The following FAM3B variants were observed in gnomAD, a reference collection of about 807,000 sequenced individuals.
FAM3B encodes the protein FAM3 metabolism regulating signaling molecule B.
A neutral mutation model predicts 28.4 loss-of-function variants in FAM3B; 29 were observed. That is an observed-to-expected ratio of 1.02 (90% CI 0.76 to 1.39). The LOEUF (loss-of-function observed/expected upper bound fraction) is 1.39, where lower values mean the gene tolerates loss of function less well. Ranked by LOEUF, FAM3B falls within the 40% of genes most tolerant of loss-of-function variation. The pLI is 0.00. For missense variants in FAM3B, 266 were observed against 293.9 expected, an observed-to-expected ratio of 0.91 and a Z score of 0.69; for synonymous variants, 91 against 103.0, an observed-to-expected ratio of 0.88 and a Z score of 0.71.
chr21:41,331,431 T>C (rs1489136763), intron 2 of FAM3B, among the ~76,000 whole-genome samples: 1 of 152,206 alleles, frequency 6.6e-6, no homozygotes, highest in Non-Finnish European at 1.5e-5. Flanking sequence ...TGCAGAAGCT[T>C]TTTGGCTTGA....
intron 2 of FAM3B, among the ~76,000 whole-genome samples, chr21:41,331,068 GT>G (rs2088902364): frequency 6.6e-6 from 1 of 152,098 alleles, no homozygotes; most frequent in Non-Finnish European, 1.5e-5. Context: ...AGCATATAGG[GT>G]TTTCTTTGCT....
At chr21:41,316,618 A>C, upstream of FAM3B, 1 of 361,388 alleles carries the variant, frequency 2.8e-6, no homozygotes. Context: ...CCCGGCGGGG[A>C]ACGGGTCCAC....
Position 41,357,487 on chromosome 21 carries a change from G to A in FAM3B, c.*290G>A. The A allele has an allele frequency of 3.7e-6, 1 of 270,484 alleles. No homozygotes were observed. Among genetic ancestry groups the A allele is most frequent in the South Asian group, 4.1e-5 (1 of 24,390 alleles). 16.8% of individuals were successfully genotyped at this position (270,484 alleles called of 1,614,324 possible). On this transcript the variant is annotated 3_prime_UTR_variant, in exon 8 of 8. Coordinates refer to ENST00000357985, the MANE Select transcript of FAM3B (RefSeq NM_058186.4). Reference sequence around the variant, plus strand: ...GTTGGGAGAAACAGCTTGTCCAGGTGGAGCTATGTTATGATCAGATCGAAG... The same window carrying A: ...GTTGGGAGAAACAGCTTGTCCAGGTAGAGCTATGTTATGATCAGATCGAAG...
At chr21:41,339,257 T>C (rs1411980948) in intron 3 of FAM3B, among the ~76,000 whole-genome samples, 1 of 152,202 alleles carries the variant, frequency 6.6e-6, no homozygotes, top group East Asian at 1.9e-4. Flanking sequence ...ACTTAAGTTA[T>C]CTGTTTCTTC....
intron 1 of FAM3B, among the ~76,000 whole-genome samples, chr21:41,311,250 AAATATATAT>A (rs1213909982): frequency 1.3e-3 from 73 of 55,958 alleles, no homozygotes; most frequent in Non-Finnish European, 1.8e-3. Context: ...AAAAAAAAAA[AAATATATAT>A]ATATATATAT....
intron 3 of FAM3B, among the ~76,000 whole-genome samples, chr21:41,343,238 C>A (rs532347378): frequency 6.6e-6 from 1 of 152,338 alleles, no homozygotes; most frequent in African/African-American, 2.4e-5. Context: ...TTTCTGGAAT[C>A]AGCAAATTCT....
At chr21:41,307,580 T>G (rs2088688968) in intron 1 of FAM3B, among the ~76,000 whole-genome samples, 2 of 152,238 alleles carry the variant, frequency 1.3e-5, no homozygotes, top group African/African-American at 4.8e-5. Flanking sequence ...AGCTTTTGAT[T>G]TAAAGAGAAA....
Position 41,357,112 on chromosome 21 carries a change from A to C in FAM3B, c.623A>C (p.Asn208Thr). 1 of 1,611,240 alleles carries C rather than the reference A, an allele frequency of 6.2e-7. No individual in the cohort carries two copies. Among genetic ancestry groups the C allele is most frequent in the Non-Finnish European group, 8.5e-7 (1 of 1,178,338 alleles). Residue 208 changes from asparagine to threonine, a missense_variant, in exon 8 of 8, where the codon AAC (asparagine) becomes ACC (threonine). Transcript: ENST00000357985. Reference protein sequence around the residue: ...LPSEIQREKINHSDAKNNRYS... With the variant: ...LPSEIQREKITHSDAKNNRYS... The stretch of plus-strand genomic sequence containing the variant: ...ACTCTTCTTTTCTCTACACAGATCA[A>C]CCACTCTGATGCTAAGAACAACAGA...
At position 41,357,434 on chromosome 21, in the gene FAM3B, G is replaced by A; in HGVS notation, c.*237G>A. 2.9e-6 allele frequency: 1 copy of A among 347,084 alleles called. No individual in the cohort carries two copies. The highest frequency in any genetic ancestry group is 3.3e-5 in the South Asian group (1 of 29,988). 21.5% of individuals were successfully genotyped at this position (347,084 alleles called of 1,614,324 possible). A position where few individuals can be genotyped will look rare whatever the true frequency, so the allele number is the denominator to read the frequency against. On this transcript the variant is annotated 3_prime_UTR_variant, in exon 8 of 8. Transcript: ENST00000357985. ...TAAAATGAATGGAAATTCTTAAAGGGAATGATGTGATTCAAGCTGGAAAGA... is the reference window on the plus strand; with the variant it reads ...TAAAATGAATGGAAATTCTTAAAGGAAATGATGTGATTCAAGCTGGAAAGA...
chr21:41,350,530 G>A (rs766555653), intron 7 of FAM3B, among the ~76,000 whole-genome samples: 12 of 152,236 alleles, frequency 7.9e-5, no homozygotes, highest in Admixed American at 2.6e-4. Flanking sequence ...GGAGCTCCCC[G>A]GGTCCTGCCC....
chr21:41,338,489 T>TTGAGGATAACCTG lies in FAM3B; in HGVS notation c.277_287+2dup. 4 of 1,614,148 alleles carry TTGAGGATAACCTG rather than the reference T, an allele frequency of 2.5e-6. No homozygotes were observed. The highest frequency in any genetic ancestry group is 3.4e-6 in the Non-Finnish European group (4 of 1,180,008). On this transcript the variant is annotated frameshift_variant, in exon 3 of 8. Coordinates refer to ENST00000357985, the MANE Select transcript of FAM3B (RefSeq NM_058186.4). LOFTEE classifies it high-confidence loss of function. ...AGAAGCAAGTACGCCAAAATCTGCTTTGAGGATAACCTGTAAGTACCAGCG... is the reference window on the plus strand; with the variant it reads ...AGAAGCAAGTACGCCAAAATCTGCTTTGAGGATAACCTGTGAGGATAACCTGTAAGTACCAGCG...
chr21:41,330,538 T>C (rs1337882139), intron 2 of FAM3B, among the ~76,000 whole-genome samples: 4 of 152,230 alleles, frequency 2.6e-5, no homozygotes, highest in Non-Finnish European at 5.9e-5. Context: ...TTATTCCTCC[T>C]GTGTAGCTGA....
At chr21:41,317,674 G>C (rs907482699) in intron 1 of FAM3B, among the ~76,000 whole-genome samples, 1 of 152,124 alleles carries the variant, frequency 6.6e-6, no homozygotes, top group East Asian at 1.9e-4. Context: ...TCAGAAGTGG[G>C]AAGTTCTCTG....
chr21:41,322,444 A>G (rs530675776), intron 1 of FAM3B: 2 of 627,218 alleles, frequency 3.2e-6, no homozygotes, highest in South Asian at 3.7e-5. Context: ...CTTGCTGGGC[A>G]TCGGCTACTA....
chr21:41,304,907 G>A (rs1180199169), intron 1 of FAM3B, among the ~76,000 whole-genome samples: 1 of 152,148 alleles, frequency 6.6e-6, no homozygotes, highest in Non-Finnish European at 1.5e-5. Flanking sequence ...GCAAAGGCAG[G>A]GGCTGCTGGA....
intron 1 of FAM3B, among the ~76,000 whole-genome samples, chr21:41,308,158 G>C (rs1039342950): frequency 1.3e-5 from 2 of 152,208 alleles, no homozygotes; most frequent in Non-Finnish European, 2.9e-5. Context: ...GACAGTGAGA[G>C]ATAAAATAAC....
Position 41,326,613 on chromosome 21 carries a change from G to A in FAM3B, c.163+3547G>A, listed in dbSNP as rs2088856734. On this transcript the variant is annotated intron_variant, in intron 2 of 7. Coordinates refer to ENST00000357985, the MANE Select transcript of FAM3B (RefSeq NM_058186.4). This position sits in a 1 kb window ranked among gnomAD's most constrained non-coding sequence, Gnocchi z 4.0. The stretch of plus-strand genomic sequence containing the variant: ...CATGGCTGACGGGCTGCCAGGCCCT[G>A]GCGTGGGGACCTGCTCGTTCTGCTG... Among the ~76,000 whole-genome samples the A allele has an allele frequency of 6.6e-6, 1 of 152,264 alleles. No individual in the cohort carries two copies. The highest frequency in any genetic ancestry group is 2.1e-4 in the South Asian group (1 of 4,834).
At chr21:41,323,815 T>G (rs1356241232) in intron 2 of FAM3B, among the ~76,000 whole-genome samples, 1 of 152,206 alleles carries the variant, frequency 6.6e-6, no homozygotes, top group African/African-American at 2.4e-5. Context: ...GAGTGGGCCA[T>G]GCTGGGTTCT....
chr21:41,355,042 A>G (rs1297898147), intron 7 of FAM3B, among the ~76,000 whole-genome samples: 2 of 152,240 alleles, frequency 1.3e-5, no homozygotes, highest in African/African-American at 4.8e-5. Flanking sequence ...AAGAAGATAT[A>G]CAAATGGTCA....
Sources: gnomAD v4.1 joint callset for allele counts (sites outside exome capture counted in the v4.1 genomes callset) on GRCh38, gnomAD v4.1.1 for gene constraint, Gnocchi (gnomAD v3.1) non-coding constraint, MANE v1.5 for transcripts, NCBI Gene and HGNC (gene_info 2026-07-23, HGNC 2026-07-21) for gene names.